The following SPOCK3 variants were observed in gnomAD, a reference collection of about 807,000 sequenced individuals.
SPOCK3 encodes testican-3.
In SPOCK3, 30 loss-of-function variants were observed where a neutral mutation model predicts 56.6. That is an observed-to-expected ratio of 0.53 (90% CI 0.40 to 0.72). The LOEUF (loss-of-function observed/expected upper bound fraction) is 0.72, where lower values mean the gene tolerates loss of function less well. Among genes scored for constraint, SPOCK3 ranks in the 30% least tolerant of loss-of-function variants. The pLI is 0.00. For missense variants in SPOCK3, 527 were observed against 530.0 expected, an observed-to-expected ratio of 0.99 and a Z score of 0.06; for synonymous variants, 196 against 183.3, an observed-to-expected ratio of 1.07 and a Z score of -0.56.
chr4:167,230,513 A>AAC (rs954998395), intron 2 of SPOCK3, among the ~76,000 whole-genome samples: 1 of 151,310 alleles, frequency 6.6e-6, no homozygotes, highest in African/African-American at 2.4e-5. Context: ...AAAAAAAAAA[A>AAC]AAAAAAACCA....
rs528887395 is a variant in SPOCK3 at position 166,752,969 on chromosome 4, A to G, written c.931+1539T>C. 7.3e-5 allele frequency among the ~76,000 whole-genome samples: 8 copies of G among 109,492 alleles called. No homozygotes were observed. In the South Asian group the frequency reaches 2.8e-3, roughly 38 times the overall value. The allele number at this position is 109,492 out of a possible 152,430, so 71.8% of individuals were successfully genotyped here. A position where few individuals can be genotyped will look rare whatever the true frequency, so the allele number is the denominator to read the frequency against. ...AGAGAGTAAATCTTCATATGGCTAT[A>G]TAAAAATTAACACTTTGGGAGAATG... On this transcript the variant is annotated intron_variant, in intron 8 of 10. Transcript: ENST00000357545.
At chr4:167,188,514 T>A (rs547756654) in intron 2 of SPOCK3, among the ~76,000 whole-genome samples, 2 of 145,918 alleles carry the variant, frequency 1.4e-5, no homozygotes, top group East Asian at 2.1e-4. Context: ...GATGGGGAAC[T>A]TTAAGAGCAC....
At chr4:167,201,210 T>C (rs1421375832) in intron 2 of SPOCK3, among the ~76,000 whole-genome samples, 2 of 151,924 alleles carry the variant, frequency 1.3e-5, no homozygotes, top group Admixed American at 6.6e-5. Context: ...AATTTGAAAA[T>C]CAAAGCTATA....
chr4:167,113,781 G>A (rs1188347628), intron 2 of SPOCK3, among the ~76,000 whole-genome samples: 2 of 151,994 alleles, frequency 1.3e-5, no homozygotes, highest in Non-Finnish European at 2.9e-5. Context: ...ACCGCACAAG[G>A]GCTATGGACA....
At chr4:167,171,060 C>T (rs71620422) in intron 2 of SPOCK3, among the ~76,000 whole-genome samples, 4,204 of 152,130 alleles carry the variant, frequency 0.028, 104 homozygotes, top group Middle Eastern at 0.068. Context: ...TCAAGTATTT[C>T]GCCTTACCTA....
chr4:166,744,457 C>G (rs192506696), intron 8 of SPOCK3, among the ~76,000 whole-genome samples: 1 of 152,226 alleles, frequency 6.6e-6, no homozygotes, highest in East Asian at 1.9e-4. Context: ...AAAAGGACAT[C>G]CACACCAAGA....
intron 3 of SPOCK3, among the ~76,000 whole-genome samples, chr4:167,025,239 GA>G (rs1411823213): frequency 6.7e-6 from 1 of 148,380 alleles, no homozygotes; most frequent in Non-Finnish European, 1.5e-5. Flanking sequence ...TTTTTCCTTA[GA>G]AAAAACTGCC....
intron 3 of SPOCK3, among the ~76,000 whole-genome samples, chr4:167,060,835 T>C (rs1755527036): frequency 6.6e-6 from 1 of 152,190 alleles, no homozygotes; most frequent in South Asian, 2.1e-4. Flanking sequence ...GAATATAACC[T>C]GAGCAGGAGC....
chr4:167,130,610 A>G (rs78250567), intron 2 of SPOCK3, among the ~76,000 whole-genome samples: 1 of 152,328 alleles, frequency 6.6e-6, no homozygotes, highest in East Asian at 1.9e-4. Flanking sequence ...GCAGTTTGCA[A>G]CTAAACACAT....
At chr4:167,037,018 T>G (rs1752816842) in intron 3 of SPOCK3, among the ~76,000 whole-genome samples, 1 of 152,168 alleles carries the variant, frequency 6.6e-6, no homozygotes, top group Non-Finnish European at 1.5e-5. Flanking sequence ...TAAGGTAAGT[T>G]GAAGATTTAC....
chr4:166,993,573 C>T (rs1392804063), intron 4 of SPOCK3, among the ~76,000 whole-genome samples: 1 of 152,156 alleles, frequency 6.6e-6, no homozygotes, highest in Non-Finnish European at 1.5e-5. Flanking sequence ...TCTTCCTTCT[C>T]AACTGCCAAA....
At position 167,205,053 on chromosome 4, in the gene SPOCK3, T is replaced by G. The variant is rs2110958824; in HGVS notation, c.189+28932A>C. ...TCTTTCTATGTTGCCCAAGCTGGCC[T>G]TGAACTCCTGGCTTCCCACCACCGT... is the stretch of plus-strand genomic sequence containing the variant. On this transcript the variant is annotated intron_variant, in intron 2 of 10. Transcript: ENST00000357545. Among the ~76,000 whole-genome samples the G allele has an allele frequency of 1.4e-5, 2 of 140,192 alleles. 1 individual carries two copies. The highest frequency in any genetic ancestry group is 4.4e-4 in the South Asian group (2 of 4,564). 92.0% of individuals were successfully genotyped at this position (140,192 alleles called of 152,430 possible). A position where few individuals can be genotyped will look rare whatever the true frequency, so the allele number is the denominator to read the frequency against.
chr4:167,067,815 T>C (rs995795919), intron 2 of SPOCK3, among the ~76,000 whole-genome samples: 2 of 151,896 alleles, frequency 1.3e-5, no homozygotes, highest in Non-Finnish European at 2.9e-5. Context: ...AGACAGGCTT[T>C]TACAATAGTA....
rs1226336567 is a variant in SPOCK3, at chr4:166,914,966, GT to G, written c.351-2224del. 2.0e-5 allele frequency among the ~76,000 whole-genome samples: 3 copies of G among 151,924 alleles called. No homozygotes were observed. In the East Asian group the frequency reaches 5.8e-4, roughly 29 times the overall value. ...TTTTTTTATTATTATTATACTTTAA[GT>G]TTTATGAGTGTATCAATAAAAATGG... is the stretch of plus-strand genomic sequence containing the variant. On this transcript the variant is annotated intron_variant, in intron 4 of 10. Transcript: ENST00000357545.
intron 4 of SPOCK3, among the ~76,000 whole-genome samples, chr4:166,977,297 A>C (rs900417409): frequency 6.6e-6 from 1 of 152,132 alleles, no homozygotes; most frequent in Non-Finnish European, 1.5e-5. Flanking sequence ...TGTTTTGTAG[A>C]GTCAATTAAT....
chr4:167,137,985 C>T (rs548194085), intron 2 of SPOCK3, among the ~76,000 whole-genome samples: 1 of 151,858 alleles, frequency 6.6e-6, no homozygotes, highest in South Asian at 2.1e-4. Flanking sequence ...TATGATGCCA[C>T]ATTTTAATAT....
In SPOCK3 at chr4:166,914,043, C is replaced by T. The variant is rs560530700; in HGVS notation, c.351-1300G>A. ...GTAACACTTCAAGATTTATAAATTACGAAAATGTAGCAGATACAAATTAAA... is the reference window on the plus strand; with the variant it reads ...GTAACACTTCAAGATTTATAAATTATGAAAATGTAGCAGATACAAATTAAA... On this transcript the variant is annotated intron_variant, in intron 4 of 10. Coordinates refer to ENST00000357545, the MANE Select transcript of SPOCK3 (RefSeq NM_001040159.2). 1.7e-4 allele frequency among the ~76,000 whole-genome samples: 25 copies of T among 148,442 alleles called. 1 individual carries two copies. The East Asian group carries it at 2.5e-3, about 15-fold the overall frequency.
intron 6 of SPOCK3, among the ~76,000 whole-genome samples, chr4:166,880,291 T>C (rs1439834005): frequency 2.0e-5 from 3 of 152,198 alleles, no homozygotes; most frequent in African/African-American, 7.2e-5. Flanking sequence ...TCTTTATCTC[T>C]TTCAAGTCAG....
chr4:166,933,379 C>A (rs931884388), intron 4 of SPOCK3, among the ~76,000 whole-genome samples: 1 of 152,188 alleles, frequency 6.6e-6, no homozygotes, highest in African/African-American at 2.4e-5. Flanking sequence ...CCTCTCCCCT[C>A]ACTCTGCTTT....
Sources: gnomAD v4.1 joint callset for allele counts (sites outside exome capture counted in the v4.1 genomes callset) on GRCh38, gnomAD v4.1.1 for gene constraint, MANE v1.5 for transcripts, NCBI Gene and HGNC (gene_info 2026-07-23, HGNC 2026-07-21) for gene names.